Variants in RGS5 observed in about 807,000 individuals in gnomAD.
RGS5 encodes regulator of G protein signaling 5.
RGS5 carries 20 observed loss-of-function variants against 18.9 expected under a neutral mutation model. That is an observed-to-expected ratio of 1.06 (90% CI 0.74 to 1.54). The LOEUF is 1.54. RGS5 is among the 40% of genes most tolerant of loss of function. RGS5 has a pLI of 0.00. For synonymous variants in RGS5, 57 were observed against 76.2 expected, an observed-to-expected ratio of 0.75 and a Z score of 1.31; for missense variants, 201 against 211.8, an observed-to-expected ratio of 0.95 and a Z score of 0.32.
At chr1:163,163,639 T>C (rs1327704454) in intron 2 of RGS5, among the ~76,000 whole-genome samples, 2 of 152,234 alleles carry the variant, frequency 1.3e-5, no homozygotes, top group Non-Finnish European at 1.5e-5. Flanking sequence ...TTTATGTACA[T>C]ATTATTTCAT....
chr1:163,318,284 T>A (rs1650080968), intron 1 of RGS5, among the ~76,000 whole-genome samples: 1 of 152,034 alleles, frequency 6.6e-6, no homozygotes, highest in South Asian at 2.1e-4. Flanking sequence ...CACCAGGCCA[T>A]GGAGTTGGAC....
chr1:163,310,965 A>T lies in RGS5; in HGVS notation c.-377-4636T>A, dbSNP rs567625742. On this transcript the variant is annotated intron_variant, in intron 1 of 5. Coordinates refer to the RGS5 transcript ENST00000618415. ...GAAGAGCCCCTTATAAAACCGTCAGATCTCATGACAACTCAATATCACAAG... is the reference window on the plus strand; with the variant it reads ...GAAGAGCCCCTTATAAAACCGTCAGTTCTCATGACAACTCAATATCACAAG... 3.9e-5 allele frequency among the ~76,000 whole-genome samples: 6 copies of T among 152,306 alleles called. No individual in the cohort carries two copies. The East Asian group carries it at 1.2e-3, about 29-fold the overall frequency.
chr1:163,295,333 T>C (rs545441226), intron 2 of RGS5, among the ~76,000 whole-genome samples: 1 of 152,316 alleles, frequency 6.6e-6, no homozygotes, highest in Non-Finnish European at 1.5e-5. Context: ...CTTGACTGGC[T>C]GCCCTCCAAA....
intron 1 of RGS5, chr1:163,212,887 T>C (rs1660136998): frequency 6.6e-6 from 1 of 152,182 alleles, no homozygotes; most frequent in African/African-American, 2.4e-5. Flanking sequence ...AATTCCTTTT[T>C]CTCTTATATC....
At chr1:163,267,487 C>T (rs1384819400) in intron 2 of RGS5, 2 of 152,124 alleles carry the variant, frequency 1.3e-5, no homozygotes, top group African/African-American at 2.4e-5. Flanking sequence ...TTTTTCCATC[C>T]TATGCAACCC....
intron 1 of RGS5, among the ~76,000 whole-genome samples, chr1:163,314,185 A>G (rs1186600243): frequency 6.6e-6 from 1 of 152,160 alleles, no homozygotes; most frequent in Non-Finnish European, 1.5e-5. Flanking sequence ...TATAAATGGA[A>G]ATTATCTTAA....
rs1658219406 is a variant in RGS5, at chr1:163,169,795, AT to A, written c.45-1428del. Among the ~76,000 whole-genome samples the A allele has an allele frequency of 2.0e-5, 3 of 152,068 alleles. No homozygotes were observed. The South Asian group carries it at 6.2e-4, about 32-fold the overall frequency. ...TAAAATTAAATCATTCCACTTGATT[AT>A]TTATTTCTCTATAAAATTTTTGTTT... On this transcript the variant is annotated intron_variant, in intron 1 of 4. Transcript: ENST00000313961.
rs576630003 is a variant in RGS5, at chr1:163,295,371, A to G, written c.-281+10862T>C. Among the ~76,000 whole-genome samples, 3 of 152,302 alleles carry G rather than the reference A, an allele frequency of 2.0e-5. No individual in the cohort carries two copies. The East Asian group carries it at 5.8e-4, about 29-fold the overall frequency. On this transcript the variant is annotated intron_variant, in intron 2 of 5. Transcript: ENST00000618415. ...AAAAAACTAGGTTATAATTTATTCT[A>G]ACTATTAACCTTTTCCTTTTGTTTT...
At position 163,289,318 on chromosome 1, in the gene RGS5, G is replaced by A. The variant is rs141599308; in HGVS notation, c.-281+16915C>T. Among the ~76,000 whole-genome samples, 6 of 151,612 alleles carry A rather than the reference G, an allele frequency of 4.0e-5. No homozygotes were observed. The East Asian group carries it at 9.7e-4, about 25-fold the overall frequency. Reference sequence around the variant, plus strand: ...TGAAATGCCCTTCCTACCTTTCTTGGTGTGTCCAACTCATGTGCCACCTCC... The same window carrying A: ...TGAAATGCCCTTCCTACCTTTCTTGATGTGTCCAACTCATGTGCCACCTCC... On this transcript the variant is annotated intron_variant, in intron 2 of 5. Coordinates refer to the RGS5 transcript ENST00000618415.
chr1:163,251,156 G>A (rs985622819), intron 2 of RGS5, among the ~76,000 whole-genome samples: 1 of 151,830 alleles, frequency 6.6e-6, no homozygotes, highest in East Asian at 1.9e-4. Flanking sequence ...AAACCTATAC[G>A]AGATGAACTC....
At chr1:163,160,824 G>T (rs1020919137) in intron 3 of RGS5, among the ~76,000 whole-genome samples, 2 of 152,096 alleles carry the variant, frequency 1.3e-5, no homozygotes, top group Non-Finnish European at 2.9e-5. Context: ...TATAGGTAGG[G>T]TATTTTAAAT....
At chr1:163,300,192 C>A (rs1252146338) in intron 2 of RGS5, among the ~76,000 whole-genome samples, 1 of 152,190 alleles carries the variant, frequency 6.6e-6, no homozygotes, top group Non-Finnish European at 1.5e-5. Flanking sequence ...CCATGATGGT[C>A]TAAGGCTTGG....
In RGS5 at chr1:163,208,347, CAAAAAA is replaced by C. The variant is rs55848330; in HGVS notation, c.69+9173_69+9178del. Among the ~76,000 whole-genome samples, 35 of 37,906 alleles carry C rather than the reference CAAAAAA, an allele frequency of 9.2e-4. No homozygotes were observed. The South Asian group carries it at 0.01, about 11-fold the overall frequency. 24.9% of individuals were successfully genotyped at this position (37,906 alleles called of 152,430 possible). A position where few individuals can be genotyped will look rare whatever the true frequency, so the allele number is the denominator to read the frequency against. On this transcript the variant is annotated intron_variant, in intron 1 of 5. Coordinates refer to the RGS5 transcript ENST00000367903. ...TGAGCGACAGAGCGAGACTCCGTCT[CAAAAAA>C]AAAAAAAAAAAAAAAAAAGGAAAAG... is the stretch of plus-strand genomic sequence containing the variant.
intron 1 of RGS5, among the ~76,000 whole-genome samples, chr1:163,174,697 C>T (rs1487318501): frequency 1.3e-5 from 2 of 152,138 alleles, no homozygotes; most frequent in Non-Finnish European, 2.9e-5. Flanking sequence ...TAATTGCAAT[C>T]ACTAGCAATC....
chr1:163,187,611 G>A (rs1659148257), intron 1 of RGS5, among the ~76,000 whole-genome samples: 1 of 152,118 alleles, frequency 6.6e-6, no homozygotes, highest in South Asian at 2.1e-4. Context: ...AGTGGGTTCA[G>A]GGAGCTTCCG....
At chr1:163,307,626 A>T (rs958081511) in intron 1 of RGS5, among the ~76,000 whole-genome samples, 7 of 151,888 alleles carry the variant, frequency 4.6e-5, no homozygotes, top group Middle Eastern at 3.2e-3. Context: ...AGAGTAATAA[A>T]AAAAAAAGGA....
intron 4 of RGS5, among the ~76,000 whole-genome samples, chr1:163,148,617 T>C (rs950852845): frequency 1.6e-4 from 25 of 152,188 alleles, no homozygotes; most frequent in Admixed American, 3.9e-4. Context: ...TCCAGTGATG[T>C]GGCTCCAGAG....
chr1:163,183,663 A>G (rs934380901), intron 1 of RGS5, among the ~76,000 whole-genome samples: 2 of 152,234 alleles, frequency 1.3e-5, no homozygotes, highest in African/African-American at 4.8e-5. Flanking sequence ...ATTAGATAAT[A>G]TCAAATACAC....
chr1:163,252,697 A>G (rs1047134929), intron 2 of RGS5, among the ~76,000 whole-genome samples: 2 of 152,136 alleles, frequency 1.3e-5, no homozygotes, highest in African/African-American at 4.8e-5. Flanking sequence ...TGACTTGCAT[A>G]TTGGTACTTT....
Sources: allele counts gnomAD v4.1 joint callset (sites outside exome capture counted in the v4.1 genomes callset), GRCh38; gene constraint gnomAD v4.1.1; transcripts MANE v1.5; gene names NCBI Gene and HGNC (gene_info 2026-07-23, HGNC 2026-07-21).